Variants in U2SURP observed in about 807,000 individuals in gnomAD.
The protein encoded by U2SURP is U2 snRNP-associated SURP motif-containing protein.
Under a neutral mutation model 144.9 loss-of-function variants are expected in U2SURP, and 9 were observed. That is an observed-to-expected ratio of 0.06 (90% CI 0.04 to 0.11). The LOEUF (loss-of-function observed/expected upper bound fraction) is 0.11, where lower values mean the gene tolerates loss of function less well. Among genes scored for constraint, U2SURP ranks in the 10% least tolerant of loss-of-function variants. The pLI, the probability that U2SURP is intolerant of heterozygous loss-of-function variation, is 1.00. For missense variants in U2SURP, 724 were observed against 1,226.7 expected (o/e 0.59, Z 6.12); for synonymous variants, 408 against 396.8 (o/e 1.03, Z -0.33).
intron 10 of U2SURP, 131 bp from the exon 11 acceptor site, chr3:143,022,366 T>C: frequency 5.5e-6 from 4 of 730,894 alleles, no homozygotes; most frequent in Non-Finnish European, 8.2e-6. Flanking sequence ...GTGGCGTTCC[T>C]GGTACTTAAA....
At chr3:143,022,112 A>G (rs191236239) in intron 10 of U2SURP, among the ~76,000 whole-genome samples, 1 of 152,228 alleles carries the variant, frequency 6.6e-6, no homozygotes, top group Non-Finnish European at 1.5e-5. Flanking sequence ...TTGTCAATAC[A>G]TATTTCCTCT....
intron 24 of U2SURP, among the ~76,000 whole-genome samples, chr3:143,045,531 T>C (rs1434084827): frequency 1.3e-5 from 2 of 152,228 alleles, no homozygotes; most frequent in African/African-American, 4.8e-5. Context: ...CCTTATTAAC[T>C]TAAAGAGAGG....
chr3:143,029,815 C>G (rs1255825954), intron 16 of U2SURP, among the ~76,000 whole-genome samples: 1 of 152,144 alleles, frequency 6.6e-6, no homozygotes, highest in Non-Finnish European at 1.5e-5. Flanking sequence ...TTAAAAGTGC[C>G]ACTCCAATGA....
intron 24 of U2SURP, among the ~76,000 whole-genome samples, chr3:143,043,847 C>T (rs1004905749): frequency 1.3e-5 from 2 of 151,388 alleles, no homozygotes; most frequent in African/African-American, 4.9e-5. Flanking sequence ...CGGCTCACTG[C>T]AAGCTCTCCC....
chr3:143,056,175 A>C (rs1438093405), intron 27 of U2SURP, 137 bp from the exon 28 acceptor site: 1 of 865,500 alleles, frequency 1.2e-6, no homozygotes, highest in African/African-American at 1.7e-5. Flanking sequence ...ATAGAGTTTA[A>C]ATTTTAGAAG....
intron 24 of U2SURP, among the ~76,000 whole-genome samples, chr3:143,050,343 G>C (rs546889752): frequency 6.6e-6 from 1 of 152,202 alleles, no homozygotes; most frequent in African/African-American, 2.4e-5. Flanking sequence ...AAAGTGCTGG[G>C]ATTACAGGCG....
chr3:143,017,250 C>T, intron 6 of U2SURP: 1 of 263,120 alleles, frequency 3.8e-6, no homozygotes. Context: ...TATTGCAAGT[C>T]AAAAATTGAC....
intron 24 of U2SURP, among the ~76,000 whole-genome samples, chr3:143,049,297 GAA>G (rs1374659027): frequency 7.3e-6 from 1 of 136,102 alleles, no homozygotes; most frequent in Non-Finnish European, 1.6e-5. Context: ...AAAAAAGAAA[GAA>G]AATACCACTT....
At chr3:143,041,315 C>G (rs1157900347) in intron 23 of U2SURP, among the ~76,000 whole-genome samples, 3 of 151,758 alleles carry the variant, frequency 2.0e-5, no homozygotes, top group African/African-American at 4.8e-5. Context: ...AAAAAATTAA[C>G]TAAAAACTGT....
In U2SURP at chr3:143,012,262, G is replaced by C; in HGVS notation, c.131G>C (p.Arg44Pro). 5.6e-6 allele frequency: 9 copies of C among 1,613,088 alleles called. No individual in the cohort carries two copies. Among genetic ancestry groups the C allele is most frequent in the Non-Finnish European group, 7.6e-6 (9 of 1,179,442 alleles). Residue 44 changes from arginine to proline, a missense_variant, in exon 3 of 28, where the codon CGG (arginine) becomes CCG (proline). Transcript: ENST00000473835. The part of the protein sequence containing the change: ...SGPSDSDMPS[R>P]TRPKSPRKHN... ...CCCTCAGATAGTGATATGCCAAGTCGGACACGACCTAAGAGCCCAAGAAAA... is the reference window on the plus strand; with the variant it reads ...CCCTCAGATAGTGATATGCCAAGTCCGACACGACCTAAGAGCCCAAGAAAA...
At position 143,043,654 on chromosome 3, in the gene U2SURP, A is replaced by G. The variant is rs1934238752; in HGVS notation, c.2544+378A>G. 2.0e-5 allele frequency among the ~76,000 whole-genome samples: 3 copies of G among 151,922 alleles called. No individual in the cohort carries two copies. The South Asian group carries it at 6.2e-4, about 32-fold the overall frequency. On this transcript the variant is annotated intron_variant, in intron 24 of 27. Transcript: ENST00000473835. ...ATGTCTGTTTTCTCTTTATCATTGTATGTCTAATACATGACACATAGGAGA... is the reference window on the plus strand; with the variant it reads ...ATGTCTGTTTTCTCTTTATCATTGTGTGTCTAATACATGACACATAGGAGA...
chr3:143,043,944 A>C (rs1484576531), intron 24 of U2SURP, among the ~76,000 whole-genome samples: 1 of 151,726 alleles, frequency 6.6e-6, no homozygotes, highest in African/African-American at 2.4e-5. Flanking sequence ...TAGAAGAGAC[A>C]GGGATTGACC....
chr3:143,019,052 T>C (rs1196877900), intron 6 of U2SURP, among the ~76,000 whole-genome samples: 1 of 152,250 alleles, frequency 6.6e-6, no homozygotes, highest in Non-Finnish European at 1.5e-5. Flanking sequence ...TGAGCATCTT[T>C]TCATGTGTTT....
intron 1 of U2SURP, among the ~76,000 whole-genome samples, chr3:143,004,489 G>C (rs533461468): frequency 1.6e-4 from 23 of 144,224 alleles, no homozygotes; most frequent in East Asian, 1.5e-3. Context: ...TCAGCCTCCC[G>C]AGTAGCTGGG....
chr3:143,033,111 A>C (rs1933598103), intron 17 of U2SURP, among the ~76,000 whole-genome samples, 160 bp from the exon 18 acceptor site: 1 of 152,232 alleles, frequency 6.6e-6, no homozygotes, highest in Non-Finnish European at 1.5e-5. Context: ...TTAACAAACA[A>C]GTTGAAATGT....
chr3:143,037,186 C>T lies in U2SURP; in HGVS notation c.2072C>T (p.Pro691Leu), dbSNP rs762504180. Reference sequence around the variant, plus strand: ...TAGTACACATTTCCATAGGATGTTCCAGATGACCTTGATGGTGCCCCCATC... The same window carrying T: ...TAGTACACATTTCCATAGGATGTTCTAGATGACCTTGATGGTGCCCCCATC... The part of the protein sequence containing the change: ...IIEEKETEDV[P>L]DDLDGAPIEE... The change falls in exon 21 of 28, where the codon CCA becomes CTA. Residue 691 changes from proline to leucine, a missense_variant. By Grantham distance (98) the Pro-to-Leu change is moderately conservative. Transcript: ENST00000473835. The T allele has an allele frequency of 6.2e-7, 1 of 1,611,022 alleles. No individual in the cohort carries two copies. The highest frequency in any genetic ancestry group is 1.1e-5 in the South Asian group (1 of 90,410).
chr3:143,022,972 G>A lies in U2SURP; in HGVS notation c.1138G>A (p.Gly380Arg). Residue 380 changes from glycine (G) to arginine (R), a missense_variant, in exon 12 of 28, where the codon GGA (glycine) becomes AGA (arginine). Coordinates refer to ENST00000473835, the MANE Select transcript of U2SURP (RefSeq NM_001080415.2). ...MEHTLPPPPS[G>R]LPFNAQPRER... ...ACATACGCTTCCCCCACCTCCATCC[G>A]GACTGCCTTTTAATGCGCAGCCTAG... 6.2e-7 allele frequency: 1 copy of A among 1,611,844 alleles called. No homozygotes were observed. The highest frequency in any genetic ancestry group is 8.5e-7 in the Non-Finnish European group (1 of 1,178,934).
intron 22 of U2SURP, among the ~76,000 whole-genome samples, 154 bp from the exon 23 acceptor site, chr3:143,038,740 A>G (rs1432156777): frequency 2.0e-5 from 3 of 152,032 alleles, no homozygotes; most frequent in African/African-American, 7.2e-5. Flanking sequence ...GAGATTTGGC[A>G]TATAGAAATA....
rs548430985 is a variant in U2SURP at position 143,034,614 on chromosome 3, C to T, written c.1854-274C>T. 5 of 212,222 alleles carry T rather than the reference C, an allele frequency of 2.4e-5. No individual in the cohort carries two copies. In the East Asian group the frequency reaches 4.0e-4, roughly 17 times the overall value. 13.1% of individuals were successfully genotyped at this position (212,222 alleles called of 1,614,324 possible). A position where few individuals can be genotyped will look rare whatever the true frequency, so the allele number is the denominator to read the frequency against. On this transcript the variant is annotated intron_variant, in intron 18 of 27. Coordinates refer to ENST00000473835, the MANE Select transcript of U2SURP (RefSeq NM_001080415.2). Reference sequence around the variant, plus strand: ...TGTTTTATAAAATAAAGAAATTGGACGAGATGGTTCAGCATATCCTAGATA... The same window carrying T: ...TGTTTTATAAAATAAAGAAATTGGATGAGATGGTTCAGCATATCCTAGATA...
Sources: gnomAD v4.1 joint callset for allele counts (sites outside exome capture counted in the v4.1 genomes callset) on GRCh38, gnomAD v4.1.1 for gene constraint, MANE v1.5 for transcripts, NCBI Gene and HGNC (gene_info 2026-07-23, HGNC 2026-07-21) for gene names.